Variants in TMTC1 observed in about 807,000 individuals in gnomAD.
TMTC1 encodes transmembrane O-mannosyltransferase targeting cadherins 1, also known as protein O-mannosyl-transferase TMTC1.
TMTC1 carries 73 observed loss-of-function variants against 104.8 expected under a neutral mutation model. The ratio of observed to expected loss-of-function variants is 0.70; its 90% CI spans 0.58 to 0.85. The LOEUF is 0.85. Among genes scored for constraint, TMTC1 ranks in the 40% least tolerant of loss-of-function variants. The pLI is 0.00. For synonymous variants in TMTC1, 434 were observed against 428.7 expected (o/e 1.01, Z -0.15); for missense variants, 1,035 against 1,096.1 (o/e 0.94, Z 0.79).
intron 10 of TMTC1, among the ~76,000 whole-genome samples, chr12:29,548,424 T>C (rs1944998403): frequency 6.6e-6 from 1 of 152,118 alleles, no homozygotes; most frequent in African/African-American, 2.4e-5. Context: ...AATCCCCACA[T>C]GTTGTGAGAG....
chr12:29,750,735 T>C lies in TMTC1; in HGVS notation c.938+931A>G, dbSNP rs754777495. Among the ~76,000 whole-genome samples, 3 of 152,334 alleles carry C rather than the reference T, an allele frequency of 2.0e-5. No individual in the cohort carries two copies. In the East Asian group the frequency reaches 5.8e-4, roughly 29 times the overall value. On this transcript the variant is annotated intron_variant, in intron 5 of 17. Transcript: ENST00000539277. ...TATGTTAAACTAATTGAGAGGTCATTAGGCTAAGGTGACTCTGGCACCCTG... is the reference window on the plus strand; with the variant it reads ...TATGTTAAACTAATTGAGAGGTCATCAGGCTAAGGTGACTCTGGCACCCTG...
chr12:29,643,620 T>G (rs1328651974), intron 5 of TMTC1, among the ~76,000 whole-genome samples: 7 of 37,620 alleles, frequency 1.9e-4, no homozygotes, highest in Admixed American at 4.8e-4. Flanking sequence ...ATAATATATA[T>G]CTATATATTA....
At chr12:29,549,665 T>G (rs1945042908) in intron 10 of TMTC1, among the ~76,000 whole-genome samples, 1 of 152,068 alleles carries the variant, frequency 6.6e-6, no homozygotes, top group Non-Finnish European at 1.5e-5. Context: ...GCAGGAAATT[T>G]TGAGATAGAA....
At chr12:29,648,320 C>G (rs149634317) in intron 5 of TMTC1, among the ~76,000 whole-genome samples, 5 of 152,324 alleles carry the variant, frequency 3.3e-5, no homozygotes, top group African/African-American at 1.2e-4. Flanking sequence ...CCCTCCATGG[C>G]TCTACTCACA....
chr12:29,724,281 C>T (rs1455356240), intron 5 of TMTC1, among the ~76,000 whole-genome samples: 1 of 152,180 alleles, frequency 6.6e-6, no homozygotes, highest in Non-Finnish European at 1.5e-5. Flanking sequence ...GCATCATGAA[C>T]ACGCAAACTC....
At chr12:29,655,388 G>A (rs1188755567) in intron 5 of TMTC1, among the ~76,000 whole-genome samples, 1 of 152,138 alleles carries the variant, frequency 6.6e-6, no homozygotes. Context: ...TGTACTGCAA[G>A]GCAATAAAAC....
At position 29,783,710 on chromosome 12, in the gene TMTC1, G is replaced by A. The variant is rs747691038; in HGVS notation, c.42C>T (p.Arg14=). Reference sequence around the variant, plus strand: ...CGCAGCCCCGCCGCCGGGAGGGTGTGCGGTCCCCGCCGCCGCCTCGGGCAG... The same window carrying A: ...CGCAGCCCCGCCGCCGGGAGGGTGTACGGTCCCCGCCGCCGCCTCGGGCAG... ...TTSARGGGGD[R]TPSRRRGCGL... The change falls in exon 1 of 18, where the codon CGC becomes CGT. Residue 14 remains arginine, a synonymous_variant. Coordinates refer to ENST00000539277, the MANE Select transcript of TMTC1 (RefSeq NM_001193451.2). The surrounding 1 kb of genome is among the most constrained non-coding windows in gnomAD (Gnocchi z 4.7). The A allele has an allele frequency of 2.8e-4, 351 of 1,233,658 alleles. 9 individuals carry two copies. In the South Asian group the frequency reaches 0.012, roughly 42 times the overall value. 76.4% of individuals were successfully genotyped at this position (1,233,658 alleles called of 1,614,324 possible). A position where few individuals can be genotyped will look rare whatever the true frequency, so the allele number is the denominator to read the frequency against.
chr12:29,565,782 G>A (rs1408984637), intron 9 of TMTC1, among the ~76,000 whole-genome samples: 3 of 152,206 alleles, frequency 2.0e-5, no homozygotes, highest in Non-Finnish European at 1.5e-5. Flanking sequence ...AGAAGGCAGA[G>A]GCCACAGTGA....
intron 5 of TMTC1, among the ~76,000 whole-genome samples, chr12:29,719,230 A>G (rs960166162): frequency 6.6e-6 from 1 of 152,130 alleles, no homozygotes; most frequent in Non-Finnish European, 1.5e-5. Context: ...TAATTTTGGC[A>G]TCTGGTTTTT....
chr12:29,564,428 G>A, intron 9 of TMTC1, among the ~76,000 whole-genome samples: 1 of 152,102 alleles, frequency 6.6e-6, no homozygotes, highest in Non-Finnish European at 1.5e-5. Flanking sequence ...GTTGGTGGAG[G>A]CAGGACAATC....
chr12:29,765,403 G>T (rs973829906), intron 2 of TMTC1, among the ~76,000 whole-genome samples: 4 of 151,718 alleles, frequency 2.6e-5, no homozygotes, highest in East Asian at 3.9e-4. Flanking sequence ...TTCTTTAATT[G>T]GTAGACACTT....
chr12:29,518,408 A>G, intron 13 of TMTC1, 64 bp downstream of exon 13: 1 of 1,570,402 alleles, frequency 6.4e-7, no homozygotes, highest in South Asian at 1.2e-5. Flanking sequence ...TGATTAACTA[A>G]GAAGCTGATG....
At chr12:29,665,680 T>A (rs1824267215) in intron 5 of TMTC1, among the ~76,000 whole-genome samples, 1 of 152,238 alleles carries the variant, frequency 6.6e-6, no homozygotes, top group Admixed American at 6.5e-5. Context: ...GTCAGGTTCC[T>A]GAACCTTCTC....
chr12:29,733,028 G>A (rs1279628934), intron 5 of TMTC1, among the ~76,000 whole-genome samples: 1 of 152,138 alleles, frequency 6.6e-6, no homozygotes, highest in Non-Finnish European at 1.5e-5. Flanking sequence ...CAGTGAACGT[G>A]GACTTGGCTC....
At chr12:29,598,742 T>C (rs1481072269) in intron 7 of TMTC1, among the ~76,000 whole-genome samples, 1 of 152,242 alleles carries the variant, frequency 6.6e-6, no homozygotes, top group African/African-American at 2.4e-5. Context: ...TTGCTGTTAA[T>C]GTGTAGAATA....
intron 11 of TMTC1, 105 bp downstream of exon 11, chr12:29,536,104 T>C (rs1244601294): frequency 1.0e-5 from 8 of 778,774 alleles, no homozygotes; most frequent in African/African-American, 1.8e-5. Context: ...AGATTGGTTG[T>C]CCAATATGGG....
At chr12:29,748,004 A>G (rs1942998031) in intron 5 of TMTC1, among the ~76,000 whole-genome samples, 1 of 152,262 alleles carries the variant, frequency 6.6e-6, no homozygotes, top group Non-Finnish European at 1.5e-5. Context: ...ACCTTCTGAC[A>G]AAAGTACAAG....
At chr12:29,633,077 A>T in intron 6 of TMTC1, 70 bp downstream of exon 6, 1 of 1,435,400 alleles carries the variant, frequency 7.0e-7, no homozygotes, top group Non-Finnish European at 9.5e-7. Flanking sequence ...CATCCGCACT[A>T]AAAAGAACAT....
intron 13 of TMTC1, 40 bp downstream of exon 13, chr12:29,518,432 G>A (rs760165422): frequency 2.5e-6 from 4 of 1,598,954 alleles, no homozygotes; most frequent in East Asian, 2.2e-5. Context: ...GATTGCTGAG[G>A]TTCCTGGGCA....
Sources: allele counts gnomAD v4.1 joint callset (sites outside exome capture counted in the v4.1 genomes callset), GRCh38; gene constraint gnomAD v4.1.1; non-coding constraint Gnocchi (gnomAD v3.1); transcripts MANE v1.5; gene names NCBI Gene and HGNC (gene_info 2026-07-23, HGNC 2026-07-21).